BRDT: variants seen among roughly 807,000 people sequenced by gnomAD.
The protein encoded by BRDT is bromodomain testis-specific protein.
A neutral mutation model predicts 113.9 loss-of-function variants in BRDT; 77 were observed. The observed-to-expected ratio is 0.68, with a 90% CI of 0.56 to 0.82. The LOEUF (loss-of-function observed/expected upper bound fraction) is 0.82, where lower values mean the gene tolerates loss of function less well. Among genes scored for constraint, BRDT ranks in the 40% least tolerant of loss-of-function variants. The pLI is 0.00. For synonymous variants in BRDT, 358 were observed against 366.5 expected (o/e 0.98, Z 0.26); for missense variants, 1,027 against 1,105.4 (o/e 0.93, Z 1.01).
At chr1:92,003,355 G>T (rs936338229) in intron 16 of BRDT, among the ~76,000 whole-genome samples, 4 of 152,076 alleles carry the variant, frequency 2.6e-5, no homozygotes, top group African/African-American at 9.7e-5. Context: ...AATTATTAAG[G>T]AGATAATTAT....
rs745866770 is a variant in BRDT at position 91,977,241 on chromosome 1, T to C, written c.817T>C (p.Leu273=). The C allele has an allele frequency of 1.8e-5, 29 of 1,613,944 alleles. No individual in the cohort carries two copies. The highest frequency in any genetic ancestry group is 2.4e-5 in the Non-Finnish European group (28 of 1,179,988). ...GAAGACTGTTAAAGTAACTGAACAA[T>C]TAAGGCACTGTAGTGAGATTCTTAA... ...VVKTVKVTEQ[L]RHCSEILKEM... is the part of the protein sequence containing the mutation. Residue 273 remains leucine, a synonymous_variant, in exon 6 of 19, where the codon TTA becomes CTA. Coordinates refer to ENST00000399546, the MANE Select transcript of BRDT (RefSeq NM_207189.4).
At chr1:92,000,432 C>A (rs561644097) in intron 15 of BRDT, among the ~76,000 whole-genome samples, 1 of 152,264 alleles carries the variant, frequency 6.6e-6, no homozygotes, top group Non-Finnish European at 1.5e-5. Flanking sequence ...TACAGACGTA[C>A]AAATTAAAAA....
At chr1:91,976,764 T>A (rs1396596887) in intron 5 of BRDT, among the ~76,000 whole-genome samples, 1 of 152,194 alleles carries the variant, frequency 6.6e-6, no homozygotes, top group Non-Finnish European at 1.5e-5. Context: ...AAACTTTTTT[T>A]GGTATATGAC....
At chr1:91,988,323 T>G (rs1028568771) in intron 12 of BRDT, among the ~76,000 whole-genome samples, 1 of 152,238 alleles carries the variant, frequency 6.6e-6, no homozygotes, top group African/African-American at 2.4e-5. Flanking sequence ...GGTGTATACA[T>G]GCTGTCATAC....
Position 92,002,183 on chromosome 1 carries a change from A to C in BRDT, c.2388+34A>C, listed in dbSNP as rs749395759. ...AATTTTTTTTTTCTAACAAATCTTG[A>C]AGGGATTTGAAATTGGGTTTGGAAG... On this transcript the variant is annotated intron_variant, in intron 16 of 18. Coordinates refer to ENST00000399546, the MANE Select transcript of BRDT (RefSeq NM_207189.4). The C allele has an allele frequency of 6.0e-5, 89 of 1,478,438 alleles. No individual in the cohort carries two copies. In the Admixed American group the frequency reaches 1.5e-3, roughly 25 times the overall value. The allele number at this position is 1,478,438 out of a possible 1,614,324, so 91.6% of individuals were successfully genotyped here. A position where few individuals can be genotyped will look rare whatever the true frequency, so the allele number is the denominator to read the frequency against.
At chr1:91,984,799 T>G (rs1685057996) in intron 12 of BRDT, among the ~76,000 whole-genome samples, 1 of 152,038 alleles carries the variant, frequency 6.6e-6, no homozygotes, top group African/African-American at 2.4e-5. Flanking sequence ...GCTGGGCTAA[T>G]TTTTGTACTT....
rs1486837774 is a variant in BRDT, at chr1:91,992,288, C to T, written c.2089C>T (p.Pro697Ser). ...VKKMKNECIP[P>S]EGRTGVTQIG... ...GAAAATGAAGAATGAATGCATACCG[C>T]CTGAAGGAAGAACAGGCGTCACACA... The change falls in exon 14 of 19, where the codon CCT (proline) becomes TCT (serine). Residue 697 changes from proline (P) to serine (S), a missense_variant. Transcript: ENST00000399546. 2.0e-6 allele frequency: 3 copies of T among 1,510,252 alleles called. No homozygotes were observed. The highest frequency in any genetic ancestry group is 3.4e-4 in the Middle Eastern group (2 of 5,826). The allele number at this position is 1,510,252 out of a possible 1,614,324, so 93.6% of individuals were successfully genotyped here.
chr1:91,955,444 A>G (rs183360103), intron 1 of BRDT, among the ~76,000 whole-genome samples: 36 of 152,164 alleles, frequency 2.4e-4, no homozygotes, highest in Admixed American at 1.5e-3. Context: ...ACAGAGTGAG[A>G]CTCCATCTTA....
chr1:91,952,283 G>A (rs562696589), intron 1 of BRDT: 1 of 152,284 alleles, frequency 6.6e-6, no homozygotes, highest in Admixed American at 6.5e-5. Flanking sequence ...TAGTGTAAGG[G>A]GAGTTTTAGA....
At chr1:91,955,400 G>A (rs1681637190) in intron 1 of BRDT, among the ~76,000 whole-genome samples, 1 of 152,178 alleles carries the variant, frequency 6.6e-6, no homozygotes, top group South Asian at 2.1e-4. Context: ...GTTGCAGTGA[G>A]CTGAGATTGC....
At chr1:91,982,860 A>C (rs1684846259) in intron 12 of BRDT, among the ~76,000 whole-genome samples, 2 of 152,196 alleles carry the variant, frequency 1.3e-5, no homozygotes, top group Admixed American at 6.5e-5. Flanking sequence ...GTATTTCCTT[A>C]TTTGACTTCT....
intron 18 of BRDT, among the ~76,000 whole-genome samples, chr1:92,011,218 T>C (rs776657223): frequency 1.3e-5 from 2 of 152,200 alleles, no homozygotes; most frequent in Non-Finnish European, 2.9e-5. Flanking sequence ...ATTTAACATA[T>C]GGTGAAGTTT....
In BRDT at chr1:92,014,290, T is replaced by C; in HGVS notation, c.*16T>C. Reference sequence around the variant, plus strand: ...CTTTGATTAAAACTCAGTTTTTAAATTAACCATCAACTTAAAATGAATGGT... The same window carrying C: ...CTTTGATTAAAACTCAGTTTTTAAACTAACCATCAACTTAAAATGAATGGT... On this transcript the variant is annotated 3_prime_UTR_variant, in exon 19 of 19. Transcript: ENST00000399546. The C allele has an allele frequency of 6.5e-7, 1 of 1,533,310 alleles. No individual in the cohort carries two copies. Among genetic ancestry groups the C allele is most frequent in the Non-Finnish European group, 8.9e-7 (1 of 1,127,026 alleles). The allele number at this position is 1,533,310 out of a possible 1,614,324, so 95.0% of individuals were successfully genotyped here. A position where few individuals can be genotyped will look rare whatever the true frequency, so the allele number is the denominator to read the frequency against.
Position 91,980,681 on chromosome 1 carries a change from A to T in BRDT, c.1326A>T (p.Gln442His). ...AVHQQLQVLS[Q>H]VPFRKLNKKK... ...ATCAACAGCTCCAGGTTTTGTCCCA[A>T]GTACCTTTCCGTAAGCTAAATAAAA... Residue 442 changes from glutamine to histidine, a missense_variant, in exon 9 of 19, where the codon CAA (glutamine) becomes CAT (histidine). Gln to His is a conservative substitution (Grantham distance 24, BLOSUM62 0). Coordinates refer to ENST00000399546, the MANE Select transcript of BRDT (RefSeq NM_207189.4). 6.3e-7 allele frequency: 1 copy of T among 1,599,116 alleles called. No homozygotes were observed. Among genetic ancestry groups the T allele is most frequent in the Middle Eastern group, 1.7e-4 (1 of 5,930 alleles).
At chr1:91,988,410 TA>T (rs1685460024) in intron 12 of BRDT, among the ~76,000 whole-genome samples, 1 of 152,088 alleles carries the variant, frequency 6.6e-6, no homozygotes, top group Non-Finnish European at 1.5e-5. Context: ...TTTATTTATT[TA>T]TTTTTTTGAG....
chr1:91,983,444 C>T (rs188100695), intron 12 of BRDT, among the ~76,000 whole-genome samples: 7 of 151,684 alleles, frequency 4.6e-5, no homozygotes, highest in South Asian at 2.1e-4. Flanking sequence ...TTAGTAGAGA[C>T]GGGGTTTCAC....
chr1:91,960,320 TAAAG>T (rs1682297302), intron 1 of BRDT, among the ~76,000 whole-genome samples: 1 of 152,034 alleles, frequency 6.6e-6, no homozygotes, highest in Non-Finnish European at 1.5e-5. Flanking sequence ...AATGAATGGA[TAAAG>T]AAAATGATAG....
chr1:92,000,882 G>C (rs1686774206), intron 15 of BRDT, among the ~76,000 whole-genome samples: 2 of 152,182 alleles, frequency 1.3e-5, no homozygotes, highest in Admixed American at 6.5e-5. Context: ...TTTAGTCATG[G>C]CTTGATAAGG....
chr1:91,969,662 T>C (rs1238117817), intron 4 of BRDT, among the ~76,000 whole-genome samples: 1 of 152,098 alleles, frequency 6.6e-6, no homozygotes, highest in Non-Finnish European at 1.5e-5. Context: ...AAAATTATTA[T>C]TTTTTCCATT....
Sources: gnomAD v4.1 joint callset for allele counts (sites outside exome capture counted in the v4.1 genomes callset) on GRCh38, gnomAD v4.1.1 for gene constraint, MANE v1.5 for transcripts, NCBI Gene and HGNC (gene_info 2026-07-23, HGNC 2026-07-21) for gene names.